Variants in KALRN observed in about 807,000 individuals in gnomAD.
KALRN encodes kalirin RhoGEF kinase, also known as kalirin.
A neutral mutation model predicts 353.7 loss-of-function variants in KALRN; 70 were observed. That is an observed-to-expected ratio of 0.20 (90% CI 0.16 to 0.24). KALRN has a LOEUF of 0.24. Ranked by LOEUF, KALRN falls within the 10% of genes least tolerant of loss-of-function variation. KALRN has a pLI of 1.00. For synonymous variants in KALRN, 1,391 were observed against 1,434.8 expected (o/e 0.97, Z 0.69); for missense variants, 2,791 against 3,756.7 (o/e 0.74, Z 6.72).
At chr3:124,226,108 A>G (rs9858797) in intron 1 of KALRN, among the ~76,000 whole-genome samples, 33,039 of 152,152 alleles carry the variant, frequency 0.22, 5,330 homozygotes, top group East Asian at 0.73. Flanking sequence ...TTGTTCACAA[A>G]CAAGTCATGT....
intron 1 of KALRN, among the ~76,000 whole-genome samples, chr3:124,226,055 T>A (rs570122520): frequency 9.6e-4 from 146 of 152,306 alleles, no homozygotes; most frequent in African/African-American, 3.4e-3. Context: ...TAGAAAGATA[T>A]ATTTCACAAA....
intron 49 of KALRN, among the ~76,000 whole-genome samples, chr3:124,676,786 G>A (rs964383649): frequency 1.3e-5 from 2 of 152,218 alleles, no homozygotes; most frequent in East Asian, 3.8e-4. Flanking sequence ...AGTTATCAAA[G>A]TCTGAAGTTA....
At chr3:124,427,211 A>G (rs539394975) in intron 15 of KALRN, among the ~76,000 whole-genome samples, 5 of 152,342 alleles carry the variant, frequency 3.3e-5, no homozygotes, top group African/African-American at 1.2e-4. Flanking sequence ...TTTGTTTCAA[A>G]ATGGAGATAA....
chr3:124,081,424 G>A (rs1417239127), intron 1 of KALRN, among the ~76,000 whole-genome samples: 5 of 152,120 alleles, frequency 3.3e-5, no homozygotes, highest in Non-Finnish European at 7.4e-5. Context: ...AAGCTCATGG[G>A]TTATATTTCT....
chr3:124,392,563 T>G (rs1164815591), intron 11 of KALRN, among the ~76,000 whole-genome samples: 2 of 137,986 alleles, frequency 1.4e-5, no homozygotes, highest in Non-Finnish European at 3.1e-5. Flanking sequence ...CAGAGTTTTT[T>G]TTGTTTTTTT....
intron 1 of KALRN, among the ~76,000 whole-genome samples, chr3:124,205,559 A>C (rs2076341013): frequency 6.6e-6 from 1 of 152,206 alleles, no homozygotes; most frequent in Non-Finnish European, 1.5e-5. Flanking sequence ...TATGGTATGA[A>C]GCAAATGATT....
In KALRN at chr3:124,722,781, G is replaced by A. The variant is rs1185393965; in HGVS notation, c.*3311G>A. Reference sequence around the variant, plus strand: ...TCATTATGATGGTAGTTCACAGTGGGAGTGAACTTTCAGCTGAAATGGGAA... The same window carrying A: ...TCATTATGATGGTAGTTCACAGTGGAAGTGAACTTTCAGCTGAAATGGGAA... On this transcript the variant is annotated 3_prime_UTR_variant, in exon 60 of 60. Coordinates refer to ENST00000682506, the MANE Select transcript of KALRN (RefSeq NM_001388419.1). 6.6e-6 allele frequency: 1 copy of A among 152,162 alleles called. No homozygotes were observed. The highest frequency in any genetic ancestry group is 1.5e-5 in the Non-Finnish European group (1 of 68,022). 9.4% of individuals were successfully genotyped at this position (152,162 alleles called of 1,614,324 possible). A position where few individuals can be genotyped will look rare whatever the true frequency, so the allele number is the denominator to read the frequency against.
At position 124,720,457 on chromosome 3, in the gene KALRN, T is replaced by C. The variant is rs1430658734; in HGVS notation, c.*987T>C. The C allele has an allele frequency of 6.6e-6, 1 of 152,662 alleles. No individual in the cohort carries two copies. Among genetic ancestry groups the C allele is most frequent in the Non-Finnish European group, 1.5e-5 (1 of 68,038 alleles). The allele number at this position is 152,662 out of a possible 1,614,324, so 9.5% of individuals were successfully genotyped here. On this transcript the variant is annotated 3_prime_UTR_variant, in exon 60 of 60. Coordinates refer to ENST00000682506, the MANE Select transcript of KALRN (RefSeq NM_001388419.1). ...AACGTACCAACACTTTCTGATTTCT[T>C]CTACAGCTGTAGAATACCATCTTTC...
chr3:124,269,288 A>G, intron 5 of KALRN, 33 bp downstream of exon 5: 2 of 1,552,464 alleles, frequency 1.3e-6, no homozygotes, highest in African/African-American at 2.7e-5. Flanking sequence ...CTGAGCCGGG[A>G]TGGGGGTGAG....
At chr3:124,359,158 G>T (rs921019862) in intron 10 of KALRN, among the ~76,000 whole-genome samples, 2 of 152,164 alleles carry the variant, frequency 1.3e-5, no homozygotes, top group African/African-American at 2.4e-5. Flanking sequence ...TAACCCAAAA[G>T]GTGTCTATGC....
chr3:124,722,015 G>A lies in KALRN; in HGVS notation c.*2545G>A, dbSNP rs907432233. ...TGTCATGGGACAAACTGTAGGCTCTGAGGATTCCCAATATCCATAAAGTCC... is the reference window on the plus strand; with the variant it reads ...TGTCATGGGACAAACTGTAGGCTCTAAGGATTCCCAATATCCATAAAGTCC... On this transcript the variant is annotated 3_prime_UTR_variant, in exon 60 of 60. Coordinates refer to ENST00000682506, the MANE Select transcript of KALRN (RefSeq NM_001388419.1). 6.6e-6 allele frequency: 1 copy of A among 152,216 alleles called. No homozygotes were observed. The highest frequency in any genetic ancestry group is 2.4e-5 in the African/African-American group (1 of 41,434). The allele number at this position is 152,216 out of a possible 1,614,324, so 9.4% of individuals were successfully genotyped here.
At chr3:124,434,811 A>G (rs1312947437) in intron 17 of KALRN, among the ~76,000 whole-genome samples, 3 of 152,242 alleles carry the variant, frequency 2.0e-5, no homozygotes, top group Admixed American at 6.5e-5. Context: ...TGGGCAGTAT[A>G]TTAGTCAGCT....
chr3:124,278,581 T>C (rs946167228), intron 5 of KALRN, among the ~76,000 whole-genome samples: 2 of 151,794 alleles, frequency 1.3e-5, no homozygotes, highest in African/African-American at 2.4e-5. Context: ...TGGGACTATG[T>C]GTCTCTACTC....
At chr3:124,542,910 G>A (rs920453993) in intron 33 of KALRN, among the ~76,000 whole-genome samples, 1 of 152,196 alleles carries the variant, frequency 6.6e-6, no homozygotes, top group Non-Finnish European at 1.5e-5. Context: ...TGGTGTTTCT[G>A]GCCCAGGGTT....
Position 124,334,199 on chromosome 3 carries a change from C to T in KALRN, c.1417-66C>T, listed in dbSNP as rs2080890699. The T allele has an allele frequency of 7.3e-7, 1 of 1,376,398 alleles. No homozygotes were observed. The highest frequency in any genetic ancestry group is 1.0e-6 in the Non-Finnish European group (1 of 968,388). 85.3% of individuals were successfully genotyped at this position (1,376,398 alleles called of 1,614,324 possible). ...GTCAGGGACCCTCAGGCAGACACTT[C>T]CTGCTTCTCTCTGTGCCCTGCCTAT... On this transcript the variant is annotated intron_variant, in intron 8 of 59. Coordinates refer to ENST00000682506, the MANE Select transcript of KALRN (RefSeq NM_001388419.1). The surrounding 1 kb of genome is among the most constrained non-coding windows in gnomAD (Gnocchi z 4.2).
At position 124,455,301 on chromosome 3, in the gene KALRN, C is replaced by T; in HGVS notation, c.3677C>T (p.Ser1226Phe). Residue 1226 changes from serine to phenylalanine, a missense_variant, in exon 22 of 60, where the codon TCC becomes TTC. By Grantham distance (155) the Ser-to-Phe change is radical. Coordinates refer to ENST00000682506, the MANE Select transcript of KALRN (RefSeq NM_001388419.1). ...GTGGACAAGCACTACAGAGATTTCT[C>T]CCTGAGGATGGGAAAGTACCGATAC... is the stretch of plus-strand genomic sequence containing the variant. The part of the protein sequence containing the change: ...TTVDKHYRDF[S>F]LRMGKYRYSL... 6.2e-7 allele frequency: 1 copy of T among 1,614,106 alleles called. No homozygotes were observed. Among genetic ancestry groups the T allele is most frequent in the Non-Finnish European group, 8.5e-7 (1 of 1,180,000 alleles).
intron 33 of KALRN, among the ~76,000 whole-genome samples, chr3:124,531,568 T>C (rs2068044184): frequency 6.6e-6 from 1 of 152,180 alleles, no homozygotes; most frequent in Non-Finnish European, 1.5e-5. Flanking sequence ...GCAAACATGA[T>C]GCTCACATCT....
At chr3:124,040,424 A>C (rs1471282549) in intron 1 of KALRN, among the ~76,000 whole-genome samples, 1 of 151,964 alleles carries the variant, frequency 6.6e-6, no homozygotes, top group Non-Finnish European at 1.5e-5. Flanking sequence ...AACATTTAGC[A>C]ATGCCTGGAG....
intron 10 of KALRN, among the ~76,000 whole-genome samples, chr3:124,357,147 CATT>C (rs1467154646): frequency 1.3e-5 from 2 of 152,250 alleles, no homozygotes; most frequent in African/African-American, 2.4e-5. Flanking sequence ...TCTTCCTCAT[CATT>C]GAGTCTATTG....
Sources: allele counts gnomAD v4.1 joint callset (sites outside exome capture counted in the v4.1 genomes callset), GRCh38; gene constraint gnomAD v4.1.1; non-coding constraint Gnocchi (gnomAD v3.1); transcripts MANE v1.5; gene names NCBI Gene and HGNC (gene_info 2026-07-23, HGNC 2026-07-21).